The following PPP1R12A variants were observed in gnomAD, a reference collection of about 807,000 sequenced individuals.
PPP1R12A encodes the protein myosin binding subunit.
A neutral mutation model predicts 139.6 loss-of-function variants in PPP1R12A; 19 were observed. The ratio of observed to expected loss-of-function variants is 0.14; its 90% CI spans 0.09 to 0.20. PPP1R12A has a LOEUF of 0.20. PPP1R12A is among the 10% of genes least tolerant of loss of function. PPP1R12A has a pLI of 1.00. For synonymous variants in PPP1R12A, 427 were observed against 420.6 expected, an observed-to-expected ratio of 1.02 and a Z score of -0.19; for missense variants, 925 against 1,211.5, an observed-to-expected ratio of 0.76 and a Z score of 3.51.
intron 1 of PPP1R12A, among the ~76,000 whole-genome samples, chr12:79,933,488 C>G (rs1343081257): frequency 6.6e-6 from 1 of 152,172 alleles, no homozygotes; most frequent in Admixed American, 6.5e-5. Flanking sequence ...CAAAATAAGG[C>G]TATGCATCTT....
At chr12:79,835,843 C>T (rs1878008591) in intron 3 of PPP1R12A, among the ~76,000 whole-genome samples, 1 of 152,178 alleles carries the variant, frequency 6.6e-6, no homozygotes, top group Non-Finnish European at 1.5e-5. Context: ...CCAAGTACAT[C>T]ATGGTCTCTG....
At chr12:79,779,249 T>A in intron 23 of PPP1R12A, 1 of 1,136,616 alleles carries the variant, frequency 8.8e-7, no homozygotes, top group Non-Finnish European at 1.2e-6. Context: ...CCTTAAATGA[T>A]AAGCATTCTG....
intron 1 of PPP1R12A, among the ~76,000 whole-genome samples, chr12:79,888,198 A>T (rs1196737090): frequency 1.3e-5 from 2 of 152,154 alleles, no homozygotes; most frequent in Non-Finnish European, 2.9e-5. Context: ...GTAACTAAAC[A>T]CACAACAACA....
At chr12:79,853,488 A>G (rs1880290181) in intron 2 of PPP1R12A, among the ~76,000 whole-genome samples, 1 of 152,244 alleles carries the variant, frequency 6.6e-6, no homozygotes, top group Admixed American at 6.5e-5. Flanking sequence ...TAGTACAATT[A>G]ATTATACCAG....
intron 14 of PPP1R12A, among the ~76,000 whole-genome samples, chr12:79,801,202 G>A (rs928322893): frequency 5.3e-5 from 8 of 150,534 alleles, no homozygotes; most frequent in Non-Finnish European, 7.4e-5. Flanking sequence ...AAAATTAGCC[G>A]GGCGTGGTGG....
chr12:79,900,188 T>C (rs1885507741), intron 1 of PPP1R12A, among the ~76,000 whole-genome samples: 1 of 152,178 alleles, frequency 6.6e-6, no homozygotes, highest in Non-Finnish European at 1.5e-5. Context: ...AAAATGCAGA[T>C]CTGTGAAATA....
chr12:79,807,700 GA>G (rs1326308580), intron 11 of PPP1R12A, among the ~76,000 whole-genome samples: 5 of 151,520 alleles, frequency 3.3e-5, no homozygotes, highest in Non-Finnish European at 5.9e-5. Context: ...GATCTTAGGG[GA>G]AAAAAATAAA....
chr12:79,926,609 C>T (rs748054726), intron 1 of PPP1R12A, among the ~76,000 whole-genome samples: 1 of 152,188 alleles, frequency 6.6e-6, no homozygotes, highest in Non-Finnish European at 1.5e-5. Flanking sequence ...GTGTGTTACA[C>T]TTACCCAATT....
At chr12:79,822,031 A>T in intron 6 of PPP1R12A, 85 bp downstream of exon 6, 3 of 996,472 alleles carry the variant, frequency 3.0e-6, no homozygotes, top group Non-Finnish European at 4.5e-6. Flanking sequence ...AAAGTACAAA[A>T]CATCACAAGA....
At chr12:79,844,564 T>C (rs1393143672) in intron 3 of PPP1R12A, among the ~76,000 whole-genome samples, 1 of 152,222 alleles carries the variant, frequency 6.6e-6, no homozygotes, top group African/African-American at 2.4e-5. Context: ...GTCTGGATTA[T>C]GTCAGTTATT....
chr12:79,861,687 G>A lies in PPP1R12A; in HGVS notation c.368+11121C>T, dbSNP rs114533991. On this transcript the variant is annotated intron_variant, in intron 2 of 24. Transcript: ENST00000450142. ...CCGTGCTTGGCTCGGCGGGTCTCAC[G>A]CCCTTGCTCACTGCTAGCACAGCAG... Among the ~76,000 whole-genome samples the A allele has an allele frequency of 5.2e-3, 792 of 152,128 alleles. 5 individuals carry two copies. The highest frequency in any genetic ancestry group is 0.018 in the African/African-American group (752 of 41,528).
At chr12:79,809,266 T>C (rs1874232524) in intron 10 of PPP1R12A, among the ~76,000 whole-genome samples, 1 of 152,132 alleles carries the variant, frequency 6.6e-6, no homozygotes, top group African/African-American at 2.4e-5. Flanking sequence ...GAATATGCTG[T>C]AGAAATAAAT....
Position 79,893,364 on chromosome 12 carries a change from T to C in PPP1R12A, c.238-20426A>G, listed in dbSNP as rs773834554. 4.6e-5 allele frequency among the ~76,000 whole-genome samples: 7 copies of C among 152,192 alleles called. No individual in the cohort carries two copies. In the East Asian group the frequency reaches 1.3e-3, roughly 29 times the overall value. On this transcript the variant is annotated intron_variant, in intron 1 of 24. Coordinates refer to ENST00000450142, the MANE Select transcript of PPP1R12A (RefSeq NM_002480.3). ...GTCCTAACATACTTTAAAAATTGTA[T>C]AATTATCTACTCGTATGTACTATCT...
chr12:79,836,201 A>G (rs1277422945), intron 3 of PPP1R12A, among the ~76,000 whole-genome samples: 1 of 152,198 alleles, frequency 6.6e-6, no homozygotes, highest in Non-Finnish European at 1.5e-5. Context: ...CCATTTCTAT[A>G]GTAAAGCAGT....
chr12:79,917,646 A>G (rs1467515560), intron 1 of PPP1R12A, among the ~76,000 whole-genome samples: 1 of 151,818 alleles, frequency 6.6e-6, no homozygotes, highest in Non-Finnish European at 1.5e-5. Flanking sequence ...ATATTAAAAC[A>G]TGCAAAAAAC....
At chr12:79,818,808 C>T (rs1015774113) in intron 8 of PPP1R12A, 1 of 152,096 alleles carries the variant, frequency 6.6e-6, no homozygotes, top group Non-Finnish European at 1.5e-5. Flanking sequence ...ATTTATTTTA[C>T]AAAATTCAGC....
rs373694620 is a variant in PPP1R12A at position 79,877,582 on chromosome 12, C to T, written c.238-4644G>A. On this transcript the variant is annotated intron_variant, in intron 1 of 24. Transcript: ENST00000450142. ...CCACACTGGAGTGCAGCAGCACAAT[C>T]TCGGCTCAATGCAACCTCCGCCTCC... is the stretch of plus-strand genomic sequence containing the variant. Among the ~76,000 whole-genome samples, 91 of 152,326 alleles carry T rather than the reference C, an allele frequency of 6.0e-4. 2 individuals carry two copies. The highest frequency in any genetic ancestry group is 2.0e-3 in the African/African-American group (85 of 41,568).
At chr12:79,782,051 G>C in intron 22 of PPP1R12A, 189 bp from the exon 23 acceptor site, 1 of 382,902 alleles carries the variant, frequency 2.6e-6, no homozygotes, top group Non-Finnish European at 4.7e-6. Flanking sequence ...TTTAGAAATA[G>C]AATGGTAACC....
chr12:79,832,723 T>A (rs1877574859), intron 3 of PPP1R12A: 1 of 341,490 alleles, frequency 2.9e-6, no homozygotes, highest in Non-Finnish European at 5.2e-6. Context: ...ACTATTTTGA[T>A]CTTATTTTTC....
Sources: gnomAD v4.1 joint callset for allele counts (sites outside exome capture counted in the v4.1 genomes callset) on GRCh38, gnomAD v4.1.1 for gene constraint, MANE v1.5 for transcripts, NCBI Gene and HGNC (gene_info 2026-07-23, HGNC 2026-07-21) for gene names.